LUZP2: variants seen among roughly 807,000 people sequenced by gnomAD.
LUZP2 encodes leucine zipper protein 2.
A neutral mutation model predicts 51.6 loss-of-function variants in LUZP2; 52 were observed. The observed-to-expected ratio is 1.01, with a 90% CI of 0.81 to 1.27. The LOEUF is 1.27. Ranked by LOEUF, LUZP2 falls within the 50% of genes most tolerant of loss-of-function variation. The probability of loss-of-function intolerance (pLI) is 0.00; values close to 1 mark genes in which losing one functional copy is unlikely to be tolerated. For synonymous variants in LUZP2, 154 were observed against 137.3 expected (o/e 1.12, Z -0.85); for missense variants, 436 against 395.4 (o/e 1.10, Z -0.87).
At chr11:24,663,795 A>G (rs1225298511) in intron 1 of LUZP2, among the ~76,000 whole-genome samples, 1 of 152,036 alleles carries the variant, frequency 6.6e-6, no homozygotes, top group Non-Finnish European at 1.5e-5. Context: ...AGTTCTTAAG[A>G]GATCTGATGG....
At chr11:24,592,532 G>A (rs1467129855) in intron 1 of LUZP2, among the ~76,000 whole-genome samples, 1 of 152,026 alleles carries the variant, frequency 6.6e-6, no homozygotes, top group African/African-American at 2.4e-5. Flanking sequence ...CAGTATAGTT[G>A]TTTACATTAT....
At chr11:24,960,707 T>C (rs1299993576) in intron 7 of LUZP2, among the ~76,000 whole-genome samples, 1 of 152,212 alleles carries the variant, frequency 6.6e-6, no homozygotes, top group Non-Finnish European at 1.5e-5. Flanking sequence ...GCTCCTGGAT[T>C]CATTAATTTT....
intron 9 of LUZP2, among the ~76,000 whole-genome samples, chr11:25,038,899 G>C (rs1857948330): frequency 6.6e-6 from 1 of 152,144 alleles, no homozygotes; most frequent in Admixed American, 6.6e-5. Context: ...TTTTGCAGGG[G>C]GTAGAATTAG....
chr11:24,736,891 A>G (rs189311046), intron 3 of LUZP2, among the ~76,000 whole-genome samples: 1 of 152,122 alleles, frequency 6.6e-6, no homozygotes, highest in Non-Finnish European at 1.5e-5. Flanking sequence ...AACCAAAGTG[A>G]CTGTAATTAT....
chr11:24,785,517 TATTAATGACATATTTATATTGTC>T (rs894337619), intron 5 of LUZP2, among the ~76,000 whole-genome samples: 1 of 151,890 alleles, frequency 6.6e-6, no homozygotes, highest in African/African-American at 2.4e-5. Flanking sequence ...TACTTGGGAA[TATTAATGACATATTTATATTGTC>T]ATTATGAATA....
intron 5 of LUZP2, among the ~76,000 whole-genome samples, chr11:24,799,666 T>G (rs1003208119): frequency 4.6e-5 from 7 of 152,098 alleles, no homozygotes; most frequent in African/African-American, 1.7e-4. Context: ...AACACCAACT[T>G]CATAACTCTA....
At chr11:24,996,505 C>G (rs914521350) in intron 9 of LUZP2, among the ~76,000 whole-genome samples, 2 of 151,788 alleles carry the variant, frequency 1.3e-5, no homozygotes, top group African/African-American at 2.4e-5. Flanking sequence ...TAATTGTCTT[C>G]CCACCCTGTG....
chr11:24,991,105 T>C (rs1324009887), intron 9 of LUZP2, among the ~76,000 whole-genome samples: 1 of 151,986 alleles, frequency 6.6e-6, no homozygotes, highest in Admixed American at 6.6e-5. Context: ...TTGTAGTCTT[T>C]TATCCTTTAC....
chr11:24,511,948 G>A lies in LUZP2; in HGVS notation c.62+14643G>A, dbSNP rs146880129. Among the ~76,000 whole-genome samples, 6 of 152,160 alleles carry A rather than the reference G, an allele frequency of 3.9e-5. No individual in the cohort carries two copies. The East Asian group carries it at 9.7e-4, about 24-fold the overall frequency. On this transcript the variant is annotated intron_variant, in intron 1 of 11. Coordinates refer to ENST00000336930, the MANE Select transcript of LUZP2 (RefSeq NM_001009909.4). Reference sequence around the variant, plus strand: ...TGCACTAGTATCCACATATATTTATGTTTGGATCTTATATTATCAGAGACT... The same window carrying A: ...TGCACTAGTATCCACATATATTTATATTTGGATCTTATATTATCAGAGACT...
At position 25,079,338 on chromosome 11, in the gene LUZP2, T is replaced by A. The variant is rs1190274712; in HGVS notation, c.*680T>A. The stretch of plus-strand genomic sequence containing the variant: ...AATATTTTGGCATTCTATAGACACA[T>A]CTCCTATGTATGTCTACTGTAATTA... On this transcript the variant is annotated 3_prime_UTR_variant, in exon 12 of 12. Transcript: ENST00000336930. 6.6e-6 allele frequency: 1 copy of A among 152,148 alleles called. No homozygotes were observed. Among genetic ancestry groups the A allele is most frequent in the Non-Finnish European group, 1.5e-5 (1 of 68,006 alleles). 9.4% of individuals were successfully genotyped at this position (152,148 alleles called of 1,614,324 possible).
At chr11:24,586,515 TTATTATC>T (rs1565008798) in intron 1 of LUZP2, among the ~76,000 whole-genome samples, 1 of 151,504 alleles carries the variant, frequency 6.6e-6, no homozygotes, top group Non-Finnish European at 1.5e-5. Context: ...CCCAATCAAC[TTATTATC>T]TTAGTTTTTG....
intron 5 of LUZP2, among the ~76,000 whole-genome samples, chr11:24,872,335 C>T: frequency 6.6e-6 from 1 of 152,096 alleles, no homozygotes. Flanking sequence ...ATTATGGGTA[C>T]TTATATCCAT....
At chr11:25,071,657 C>A (rs1050943412) in intron 10 of LUZP2, among the ~76,000 whole-genome samples, 3 of 150,726 alleles carry the variant, frequency 2.0e-5, no homozygotes, top group African/African-American at 4.9e-5. Context: ...CATCACACAC[C>A]GGGGCCTGTC....
intron 9 of LUZP2, among the ~76,000 whole-genome samples, chr11:24,995,932 C>G (rs1020267191): frequency 6.6e-6 from 1 of 151,490 alleles, no homozygotes; most frequent in Non-Finnish European, 1.5e-5. Context: ...TCTTTTTTTT[C>G]TACATTACTT....
chr11:24,920,606 T>C (rs1271581009), intron 7 of LUZP2, among the ~76,000 whole-genome samples: 1 of 151,806 alleles, frequency 6.6e-6, no homozygotes, highest in African/African-American at 2.4e-5. Flanking sequence ...TATTCAACTA[T>C]AAAAAATAAA....
chr11:25,050,181 A>G, intron 10 of LUZP2, 51 bp downstream of exon 10: 1 of 1,113,032 alleles, frequency 9.0e-7, no homozygotes, highest in East Asian at 2.6e-5. Context: ...AGAAAAAAGC[A>G]CAAGCATTTT....
rs573796672 is a variant in LUZP2 at position 24,713,251 on chromosome 11, A to G, written c.63-15918A>G. Among the ~76,000 whole-genome samples the G allele has an allele frequency of 2.0e-5, 3 of 152,306 alleles. No homozygotes were observed. In the South Asian group the frequency reaches 6.2e-4, roughly 32 times the overall value. The stretch of plus-strand genomic sequence containing the variant: ...TTTGTTCTAAGTCACAGAAATTTTT[A>G]TAGTTTTATGATTTTCTTGTGGGCA... On this transcript the variant is annotated intron_variant, in intron 1 of 11. Transcript: ENST00000336930.
At chr11:25,002,437 AT>A (rs1273771923) in intron 9 of LUZP2, among the ~76,000 whole-genome samples, 1 of 152,280 alleles carries the variant, frequency 6.6e-6, no homozygotes, top group East Asian at 1.9e-4. Context: ...CCATTGACAT[AT>A]GTATTTGAAG....
At chr11:24,995,211 G>A (rs938557992) in intron 9 of LUZP2, among the ~76,000 whole-genome samples, 1 of 151,922 alleles carries the variant, frequency 6.6e-6, no homozygotes, top group Non-Finnish European at 1.5e-5. Context: ...TGGGCAACAC[G>A]GCTCAATCCC....
Sources: allele counts gnomAD v4.1 joint callset (sites outside exome capture counted in the v4.1 genomes callset), GRCh38; gene constraint gnomAD v4.1.1; transcripts MANE v1.5; gene names NCBI Gene and HGNC (gene_info 2026-07-23, HGNC 2026-07-21).